The following INPP5J variants were observed in gnomAD, a reference collection of about 807,000 sequenced individuals.
INPP5J encodes phosphatidylinositol 4,5-bisphosphate 5-phosphatase A.
Under a neutral mutation model 86.6 loss-of-function variants are expected in INPP5J, and 75 were observed. That is an observed-to-expected ratio of 0.87 (90% CI 0.72 to 1.05). INPP5J has a LOEUF of 1.05. Among genes scored for constraint, INPP5J ranks in the 50% least tolerant of loss-of-function variants. INPP5J has a pLI of 0.00. For synonymous variants in INPP5J, 540 were observed against 550.0 expected (o/e 0.98, Z 0.25); for missense variants, 1,229 against 1,341.2 (o/e 0.92, Z 1.31).
intron 2 of INPP5J, 131 bp downstream of exon 2, chr22:31,126,141 G>T (rs1476688112): frequency 5.7e-5 from 56 of 982,444 alleles, no homozygotes; most frequent in Non-Finnish European, 7.9e-5. Context: ...GGGTTGCTGG[G>T]CCCACTCTGT....
Position 31,126,599 on chromosome 22 carries a change from C to T in INPP5J, c.1386-14C>T, listed in dbSNP as rs1455375304. Reference sequence around the variant, plus strand: ...CTCTCCAATCCCATGGCCACCCTGCCCCCACCCCTCCAGGTTGCAGGAAGT... The same window carrying T: ...CTCTCCAATCCCATGGCCACCCTGCTCCCACCCCTCCAGGTTGCAGGAAGT... On this transcript the variant is annotated splice_polypyrimidine_tract_variant and intron_variant, in intron 3 of 12. Transcript: ENST00000331075. 3 of 1,610,724 alleles carry T rather than the reference C, an allele frequency of 1.9e-6. No individual in the cohort carries two copies. Among genetic ancestry groups the T allele is most frequent in the Non-Finnish European group, 2.5e-6 (3 of 1,176,954 alleles).
In INPP5J at chr22:31,133,399, C is replaced by A. The variant is rs768742750; in HGVS notation, c.2332-7C>A. On this transcript the variant is annotated splice_polypyrimidine_tract_variant and splice_region_variant and intron_variant, in intron 10 of 12. Coordinates refer to ENST00000331075, the MANE Select transcript of INPP5J (RefSeq NM_001284285.2). Reference sequence around the variant, plus strand: ...ACAACACTGATTCCACAACACTGATCCCCCAGGTGGGTTTCCGCCATTGCA... The same window carrying A: ...ACAACACTGATTCCACAACACTGATACCCCAGGTGGGTTTCCGCCATTGCA... The A allele has an allele frequency of 4.0e-5, 65 of 1,613,370 alleles. No individual in the cohort carries two copies. Among genetic ancestry groups the A allele is most frequent in the Non-Finnish European group, 4.9e-5 (58 of 1,179,582 alleles).
At position 31,133,732 on chromosome 22, in the gene INPP5J, C is replaced by G. The variant is rs1266445711; in HGVS notation, c.2514+18C>G. 25 of 1,599,662 alleles carry G rather than the reference C, an allele frequency of 1.6e-5. No homozygotes were observed. The highest frequency in any genetic ancestry group is 1.9e-5 in the Non-Finnish European group (22 of 1,169,026). On this transcript the variant is annotated intron_variant, in intron 12 of 12. Transcript: ENST00000331075. ...CCTTCCAGGTAAGTAGGCCAGACTGCTGGGCTGGGGGTGCCTAAAGACTTT... is the reference window on the plus strand; with the variant it reads ...CCTTCCAGGTAAGTAGGCCAGACTGGTGGGCTGGGGGTGCCTAAAGACTTT...
rs770357691 is a variant in INPP5J, at chr22:31,126,732, C to T, written c.1494+11C>T. ...TTCAACTTCGTGCTGGTAACGCACC[C>T]CTCACCCCCTGGACAGCCAGAGACC... On this transcript the variant is annotated intron_variant, in intron 4 of 12. Coordinates refer to ENST00000331075, the MANE Select transcript of INPP5J (RefSeq NM_001284285.2). 1 of 1,601,306 alleles carries T rather than the reference C, an allele frequency of 6.2e-7. No individual in the cohort carries two copies. The highest frequency in any genetic ancestry group is 1.1e-5 in the South Asian group (1 of 90,880).
At chr22:31,128,125 A>C in intron 7 of INPP5J, 63 bp downstream of exon 7, 2 of 1,444,898 alleles carry the variant, frequency 1.4e-6, no homozygotes, top group East Asian at 2.3e-5. Context: ...ACCTTAGACT[A>C]TGGTCCCTGT....
intron 1 of INPP5J, chr22:31,124,257 G>C (rs1921134630): frequency 1.0e-6 from 1 of 986,006 alleles, no homozygotes. Context: ...TGGAGCTCTG[G>C]GAATGGGTAA....
At chr22:31,133,546 C>A in intron 11 of INPP5J, 63 bp downstream of exon 11, 1 of 1,592,280 alleles carries the variant, frequency 6.3e-7, no homozygotes. Flanking sequence ...TCAGAACTCA[C>A]CTTGGGGGCT....
intron 9 of INPP5J, among the ~76,000 whole-genome samples, chr22:31,132,281 G>T (rs1049647900): frequency 1.9e-4 from 29 of 152,284 alleles, no homozygotes; most frequent in East Asian, 7.7e-4. Flanking sequence ...GGAATATTCA[G>T]CTTACCCCAA....
chr22:31,126,283 C>A, intron 2 of INPP5J, 93 bp from the exon 3 acceptor site: 3 of 1,100,616 alleles, frequency 2.7e-6, no homozygotes, highest in Non-Finnish European at 4.0e-6. Flanking sequence ...CCCACACCTG[C>A]CTCCATTTAG....
chr22:31,127,179 C>G (rs1921567103), intron 5 of INPP5J, 142 bp downstream of exon 5: 1 of 765,530 alleles, frequency 1.3e-6, no homozygotes, highest in African/African-American at 1.7e-5. Context: ...CCACCCAATA[C>G]CCCATCCTAT....
chr22:31,127,944 C>A lies in INPP5J; in HGVS notation c.1788-7C>A. ...CCCACATCTCTCCCATCCCCCACCC[C>A]AAACAGCCTCGTGTTCTGGTTCGGG... On this transcript the variant is annotated splice_polypyrimidine_tract_variant and splice_region_variant and intron_variant, in intron 6 of 12. Transcript: ENST00000331075. 1 of 1,594,504 alleles carries A rather than the reference C, an allele frequency of 6.3e-7. No individual in the cohort carries two copies. Among genetic ancestry groups the A allele is most frequent in the Middle Eastern group, 1.7e-4 (1 of 6,026 alleles).
At position 31,125,697 on chromosome 22, in the gene INPP5J, C is replaced by T; in HGVS notation, c.958C>T (p.Pro320Ser). 1 of 1,551,106 alleles carries T rather than the reference C, an allele frequency of 6.4e-7. No homozygotes were observed. Among genetic ancestry groups the T allele is most frequent in the Middle Eastern group, 1.7e-4 (1 of 5,992 alleles). The change falls in exon 2 of 13, where the codon CCT (proline) becomes TCT (serine). Residue 320 changes from proline (P) to serine (S), a missense_variant. Physicochemically the swap from Pro to Ser is moderately conservative, Grantham distance 74 (BLOSUM62 -1). Coordinates refer to ENST00000331075, the MANE Select transcript of INPP5J (RefSeq NM_001284285.2). ...QGPSEPGTHS[P>S]GLLSPTFRPG... The stretch of plus-strand genomic sequence containing the variant: ...TCCTTCAGAGCCTGGCACTCACTCC[C>T]CTGGACTTCTGTCCCCCACCTTCCG...
In INPP5J at chr22:31,134,352, C is replaced by T. The variant is rs763800599; in HGVS notation, c.2954C>T (p.Ala985Val). The change falls in exon 13 of 13, where the codon GCG (alanine) becomes GTG (valine). Residue 985 changes from alanine to valine, a missense_variant. Physicochemically the swap from Ala to Val is moderately conservative, Grantham distance 64. Coordinates refer to ENST00000331075, the MANE Select transcript of INPP5J (RefSeq NM_001284285.2). ...GSWGPDREAL[A>V]PNSLSPSPQG... ...TGGGGACCTGATCGGGAGGCCCTGG[C>T]GCCCAACAGCCTGTCTCCTAGTCCC... 4.2e-5 allele frequency: 65 copies of T among 1,532,570 alleles called. No homozygotes were observed. Among genetic ancestry groups the T allele is most frequent in the Middle Eastern group, 1.7e-4 (1 of 5,916 alleles). The allele number at this position is 1,532,570 out of a possible 1,614,324, so 94.9% of individuals were successfully genotyped here.
At chr22:31,130,484 A>T (rs539542490) in intron 9 of INPP5J, among the ~76,000 whole-genome samples, 8 of 152,082 alleles carry the variant, frequency 5.3e-5, no homozygotes, top group Non-Finnish European at 1.2e-4. Flanking sequence ...ACTGCACTCC[A>T]GCCCAGGCAA....
At position 31,125,800 on chromosome 22, in the gene INPP5J, A is replaced by T; in HGVS notation, c.1061A>T (p.His354Leu). The change falls in exon 2 of 13, where the codon CAC becomes CTC. Residue 354 changes from histidine to leucine, a missense_variant. His to Leu is a moderately conservative substitution (Grantham distance 99). Coordinates refer to ENST00000331075, the MANE Select transcript of INPP5J (RefSeq NM_001284285.2). ...PPRSPSRSPS[H>L]SPNRSPCVPP... ...CGATCACCCAGCCGTTCCCCAAGCCACTCCCCGAATCGCTCTCCCTGTGTT... is the reference window on the plus strand; with the variant it reads ...CGATCACCCAGCCGTTCCCCAAGCCTCTCCCCGAATCGCTCTCCCTGTGTT... The T allele has an allele frequency of 6.3e-7, 1 of 1,576,634 alleles. No individual in the cohort carries two copies. Among genetic ancestry groups the T allele is most frequent in the Non-Finnish European group, 8.6e-7 (1 of 1,163,030 alleles).
chr22:31,122,859 G>T (rs1415913307), upstream of INPP5J: 1 of 519,662 alleles, frequency 1.9e-6, no homozygotes, highest in Non-Finnish European at 3.3e-6. Context: ...TTCCCAGGGG[G>T]TAGCCACCTT....
Position 31,133,129 on chromosome 22 carries a change from G to A in INPP5J, c.2225G>A (p.Arg742Gln), listed in dbSNP as rs777060074. 5.0e-5 allele frequency: 79 copies of A among 1,569,134 alleles called. No individual in the cohort carries two copies. The highest frequency in any genetic ancestry group is 6.3e-5 in the Non-Finnish European group (73 of 1,157,430). ...TTCAGGGACGACATGCCACTGGTGC[G>A]GCTGGAGGTGGCAGATGAGTGGGTG... ...FAFRDDMPLV[R>Q]LEVADEWVRP... The change falls in exon 10 of 13, where the codon CGG becomes CAG. Residue 742 changes from arginine to glutamine, a missense_variant. Physicochemically the swap from Arg to Gln is conservative, Grantham distance 43 (BLOSUM62 1). Coordinates refer to ENST00000331075, the MANE Select transcript of INPP5J (RefSeq NM_001284285.2).
At position 31,125,473 on chromosome 22, in the gene INPP5J, C is replaced by T. The variant is rs1921286479; in HGVS notation, c.734C>T (p.Pro245Leu). ...AAGAGGGATGCCCCAGCCCCTAGACCTCTCCCTGCTTCTGAGGGGCATCTC... is the reference window on the plus strand; with the variant it reads ...AAGAGGGATGCCCCAGCCCCTAGACTTCTCCCTGCTTCTGAGGGGCATCTC... The part of the protein sequence containing the change: ...ARKRDAPAPR[P>L]LPASEGHLQP... Residue 245 changes from proline (P) to leucine (L), a missense_variant, in exon 2 of 13, where the codon CCT (proline) becomes CTT (leucine). Pro to Leu is a moderately conservative substitution (Grantham distance 98, BLOSUM62 -3). Transcript: ENST00000331075. 1 of 1,550,430 alleles carries T rather than the reference C, an allele frequency of 6.4e-7. No homozygotes were observed. Among genetic ancestry groups the T allele is most frequent in the African/African-American group, 1.4e-5 (1 of 72,980 alleles).
rs529812809 is a variant in INPP5J, at chr22:31,125,155, G to A, written c.416G>A (p.Gly139Glu). ...TGSVLAPTSL[G>E]LVMPASAGPR... Reference sequence around the variant, plus strand: ...TCAGTTCTGGCTCCGACGTCCCTGGGGCTGGTGATGCCTGCCTCAGCAGGG... The same window carrying A: ...TCAGTTCTGGCTCCGACGTCCCTGGAGCTGGTGATGCCTGCCTCAGCAGGG... Residue 139 changes from glycine (G) to glutamate (E), a missense_variant, in exon 2 of 13, where the codon GGG becomes GAG. By Grantham distance (98) the Gly-to-Glu change is moderately conservative (BLOSUM62 -2). Coordinates refer to ENST00000331075, the MANE Select transcript of INPP5J (RefSeq NM_001284285.2). The A allele has an allele frequency of 1.3e-6, 2 of 1,550,288 alleles. No individual in the cohort carries two copies. Among genetic ancestry groups the A allele is most frequent in the African/African-American group, 2.7e-5 (2 of 73,106 alleles).
Sources: gnomAD v4.1 joint callset for allele counts (sites outside exome capture counted in the v4.1 genomes callset) on GRCh38, gnomAD v4.1.1 for gene constraint, MANE v1.5 for transcripts, NCBI Gene and HGNC (gene_info 2026-07-23, HGNC 2026-07-21) for gene names.